Variants in VAT1L observed in about 807,000 individuals in gnomAD.
VAT1L encodes the protein putative NADPH-dependent quinone oxidoreductase VAT1L.
Under a neutral mutation model 44.1 loss-of-function variants are expected in VAT1L, and 34 were observed. The observed-to-expected ratio is 0.77, with a 90% CI of 0.59 to 1.03. The LOEUF (loss-of-function observed/expected upper bound fraction) is 1.03. Among genes scored for constraint, VAT1L ranks in the 50% least tolerant of loss-of-function variants. The probability of loss-of-function intolerance (pLI) is 0.00; values close to 1 mark genes in which losing one functional copy is unlikely to be tolerated. For missense variants in VAT1L, 615 were observed against 538.8 expected, an observed-to-expected ratio of 1.14 and a Z score of -1.40; for synonymous variants, 253 against 202.2, an observed-to-expected ratio of 1.25 and a Z score of -2.13.
intron 7 of VAT1L, among the ~76,000 whole-genome samples, chr16:77,955,720 C>T (rs1473284833): frequency 3.2e-5 from 4 of 124,292 alleles, no homozygotes; most frequent in Non-Finnish European, 5.1e-5. Flanking sequence ...GGCTCCATAT[C>T]CCCCCCCCCA....
At chr16:77,793,997 G>A (rs1284339296) in intron 1 of VAT1L, among the ~76,000 whole-genome samples, 1 of 152,176 alleles carries the variant, frequency 6.6e-6, no homozygotes, top group Non-Finnish European at 1.5e-5. Context: ...TGAGGAAACT[G>A]ATATTCACAG....
chr16:77,804,713 C>T (rs1218357888), intron 1 of VAT1L, among the ~76,000 whole-genome samples: 1 of 152,152 alleles, frequency 6.6e-6, no homozygotes, highest in African/African-American at 2.4e-5. Context: ...TCCTCTCTCT[C>T]CTCATGAGTT....
chr16:77,900,800 T>G (rs2017373239), intron 7 of VAT1L, among the ~76,000 whole-genome samples: 1 of 152,012 alleles, frequency 6.6e-6, no homozygotes, highest in South Asian at 2.1e-4. Context: ...ATTCCTGGCT[T>G]TACTCCCATA....
chr16:77,918,999 A>G (rs2017581778), intron 7 of VAT1L, among the ~76,000 whole-genome samples: 1 of 152,182 alleles, frequency 6.6e-6, no homozygotes, highest in African/African-American at 2.4e-5. Context: ...TATTCAAGAG[A>G]GTCGTGGCTA....
chr16:77,906,743 G>A (rs1213095055), intron 7 of VAT1L, among the ~76,000 whole-genome samples: 1 of 152,150 alleles, frequency 6.6e-6, no homozygotes, highest in African/African-American at 2.4e-5. Context: ...AGTATTTTAG[G>A]GTTGTGCATG....
chr16:77,912,463 G>T (rs1364979980), intron 7 of VAT1L, among the ~76,000 whole-genome samples: 1 of 152,072 alleles, frequency 6.6e-6, no homozygotes, highest in Admixed American at 6.6e-5. Context: ...CTGCACCCAG[G>T]CTGGAGTGCA....
chr16:77,951,267 C>T (rs966587101), intron 7 of VAT1L, among the ~76,000 whole-genome samples: 2 of 152,166 alleles, frequency 1.3e-5, no homozygotes, highest in African/African-American at 4.8e-5. Context: ...ACTCAAGGTC[C>T]GGGTGTAGTG....
At chr16:77,975,629 G>A (rs867476876) in intron 8 of VAT1L, among the ~76,000 whole-genome samples, 2 of 152,228 alleles carry the variant, frequency 1.3e-5, no homozygotes, top group Admixed American at 6.5e-5. Context: ...CCCAGGCAGG[G>A]GAAGTCGACT....
chr16:77,863,964 A>G (rs74027225), intron 4 of VAT1L, among the ~76,000 whole-genome samples: 12,489 of 152,170 alleles, frequency 0.082, 877 homozygotes, highest in African/African-American at 0.19. Context: ...ATGGATGGGT[A>G]GAGGGAGGCT....
intron 7 of VAT1L, among the ~76,000 whole-genome samples, chr16:77,918,341 G>T (rs942259404): frequency 6.6e-6 from 1 of 152,112 alleles, no homozygotes; most frequent in Non-Finnish European, 1.5e-5. Flanking sequence ...AGGAAACCAA[G>T]GTAGAAAGTT....
chr16:77,878,483 T>C (rs1223199105), intron 5 of VAT1L, among the ~76,000 whole-genome samples: 2 of 150,722 alleles, frequency 1.3e-5, no homozygotes, highest in Non-Finnish European at 3.0e-5. Context: ...CCCCGAAACC[T>C]TATAAAGGGT....
chr16:77,942,062 T>C (rs1019098568), intron 7 of VAT1L, among the ~76,000 whole-genome samples: 3 of 152,204 alleles, frequency 2.0e-5, no homozygotes, highest in African/African-American at 7.2e-5. Context: ...ATTTCTCTAA[T>C]GATTAGTGTA....
At chr16:77,918,896 T>C (rs1181779089) in intron 7 of VAT1L, among the ~76,000 whole-genome samples, 1 of 152,196 alleles carries the variant, frequency 6.6e-6, no homozygotes, top group East Asian at 1.9e-4. Flanking sequence ...GAATAAGTTC[T>C]CTCTCTCCTG....
chr16:77,908,529 T>G (rs2017464399), intron 7 of VAT1L, among the ~76,000 whole-genome samples: 1 of 141,502 alleles, frequency 7.1e-6, no homozygotes, highest in African/African-American at 2.6e-5. Flanking sequence ...TAATAGGCCC[T>G]GTTGGAGTTC....
At chr16:77,903,324 T>G (rs915061284) in intron 7 of VAT1L, among the ~76,000 whole-genome samples, 32 of 152,210 alleles carry the variant, frequency 2.1e-4, no homozygotes, top group African/African-American at 7.7e-4. Context: ...CTTTTTCATT[T>G]GGAGTCCAAG....
chr16:77,878,027 T>C (rs765942707), intron 5 of VAT1L, among the ~76,000 whole-genome samples: 1 of 152,214 alleles, frequency 6.6e-6, no homozygotes, highest in African/African-American at 2.4e-5. Flanking sequence ...ATAATTCTAT[T>C]TTTGTCCCAG....
chr16:77,971,712 A>G (rs896983398), intron 7 of VAT1L, 138 bp from the exon 8 acceptor site: 2 of 805,972 alleles, frequency 2.5e-6, no homozygotes, highest in Non-Finnish European at 4.0e-6. Context: ...CCAGCGTCCA[A>G]CAGCAACCTC....
chr16:77,794,026 C>T (rs2015883925), intron 1 of VAT1L, among the ~76,000 whole-genome samples: 1 of 152,166 alleles, frequency 6.6e-6, no homozygotes, highest in South Asian at 2.1e-4. Context: ...GGATCACAGA[C>T]TGCTAAGTGG....
intron 8 of VAT1L, among the ~76,000 whole-genome samples, chr16:77,976,798 C>A (rs990361301): frequency 5.3e-5 from 8 of 151,962 alleles, no homozygotes; most frequent in Non-Finnish European, 1.2e-4. Flanking sequence ...AAATGAAGAC[C>A]CAGAGGGGTA....
Sources: gnomAD v4.1 joint callset for allele counts (sites outside exome capture counted in the v4.1 genomes callset) on GRCh38, gnomAD v4.1.1 for gene constraint, MANE v1.5 for transcripts, NCBI Gene and HGNC (gene_info 2026-07-23, HGNC 2026-07-21) for gene names.